The following ARID3B variants were observed in gnomAD, a reference collection of about 807,000 sequenced individuals.
The protein encoded by ARID3B is AT-rich interactive domain-containing protein 3B.
A neutral mutation model predicts 51.9 loss-of-function variants in ARID3B; 10 were observed. The ratio of observed to expected loss-of-function variants is 0.19; its 90% CI spans 0.12 to 0.33. The LOEUF is 0.33. Among genes scored for constraint, ARID3B ranks in the 10% least tolerant of loss-of-function variants. ARID3B has a pLI of 1.00. For missense variants in ARID3B, 483 were observed against 716.3 expected (o/e 0.67, Z 3.72); for synonymous variants, 205 against 279.5 (o/e 0.73, Z 2.66).
intron 2 of ARID3B, among the ~76,000 whole-genome samples, chr15:74,556,082 G>A (rs1315877976): frequency 6.6e-6 from 1 of 152,028 alleles, no homozygotes; most frequent in Non-Finnish European, 1.5e-5. Flanking sequence ...TTGAGCCACC[G>A]AGCCCGGCTA....
chr15:74,564,785 A>G (rs2061691816), intron 2 of ARID3B, among the ~76,000 whole-genome samples: 3 of 151,650 alleles, frequency 2.0e-5, no homozygotes, highest in Admixed American at 6.6e-5. Flanking sequence ...ATTTTTTGGT[A>G]GAGATGGGGT....
chr15:74,560,031 T>TAAAAAAAAAAAA (rs71137394), intron 2 of ARID3B, among the ~76,000 whole-genome samples: 9 of 35,628 alleles, frequency 2.5e-4, no homozygotes, highest in African/African-American at 9.5e-4. Context: ...CTGTCTCTAC[T>TAAAAAAAAAAAA]AAAAAAAAAA....
intron 2 of ARID3B, among the ~76,000 whole-genome samples, chr15:74,552,872 TATG>T (rs1332632029): frequency 1.3e-5 from 2 of 152,248 alleles, no homozygotes; most frequent in African/African-American, 4.8e-5. Flanking sequence ...TTTTGGCAAT[TATG>T]AATAAAGCTA....
At chr15:74,583,971 C>G (rs2061771102) in intron 4 of ARID3B, among the ~76,000 whole-genome samples, 1 of 152,234 alleles carries the variant, frequency 6.6e-6, no homozygotes, top group Non-Finnish European at 1.5e-5. Context: ...CTACCAGACA[C>G]TGCTGCCTGA....
intron 8 of ARID3B, 115 bp from the exon 9 acceptor site, chr15:74,595,496 G>A (rs1567128492): frequency 8.4e-7 from 1 of 1,185,864 alleles, no homozygotes; most frequent in Non-Finnish European, 1.2e-6. Context: ...CCCTAGCACA[G>A]TGTCTACAGC....
At chr15:74,593,308 T>C (rs1596265928) in intron 8 of ARID3B, 72 bp downstream of exon 8, 1 of 1,401,886 alleles carries the variant, frequency 7.1e-7, no homozygotes, top group Non-Finnish European at 9.8e-7. Flanking sequence ...CGGCTGGCCC[T>C]GCCTCTTACC....
In ARID3B at chr15:74,544,019, G is replaced by A; in HGVS notation, c.83G>A (p.Arg28Lys). ...PHLAPLQMDA[R>K]EKQGQQMREA... ...CTGGCTCCTCTGCAGATGGATGCCA[G>A]AGAGAAGCAGGGCCAGCAGATGAGA... The change falls in exon 2 of 9, where the codon AGA becomes AAA. Residue 28 changes from arginine to lysine, a missense_variant. Physicochemically the swap from Arg to Lys is conservative, Grantham distance 26. Coordinates refer to ENST00000346246, the MANE Select transcript of ARID3B (RefSeq NM_006465.4). The A allele has an allele frequency of 1.2e-6, 2 of 1,611,466 alleles. No homozygotes were observed. The highest frequency in any genetic ancestry group is 1.7e-6 in the Non-Finnish European group (2 of 1,178,932).
chr15:74,560,490 G>C (rs980048794), intron 2 of ARID3B, among the ~76,000 whole-genome samples: 16 of 151,986 alleles, frequency 1.1e-4, no homozygotes, highest in African/African-American at 3.9e-4. Flanking sequence ...ACTCTGCTCT[G>C]GCAGTCCTCC....
intron 2 of ARID3B, among the ~76,000 whole-genome samples, chr15:74,566,629 A>C (rs1466534565): frequency 6.6e-6 from 1 of 151,794 alleles, no homozygotes; most frequent in East Asian, 1.9e-4. Flanking sequence ...AGACTAAATA[A>C]ATTTTGTGAA....
At chr15:74,585,029 G>T (rs1252200027) in intron 4 of ARID3B, among the ~76,000 whole-genome samples, 1 of 152,188 alleles carries the variant, frequency 6.6e-6, no homozygotes, top group African/African-American at 2.4e-5. Context: ...TGCAGATAAG[G>T]CCCTGGATTC....
At position 74,572,858 on chromosome 15, in the gene ARID3B, T is replaced by C. The variant is rs371431818; in HGVS notation, c.553-4T>C. On this transcript the variant is annotated splice_region_variant and splice_polypyrimidine_tract_variant and intron_variant, in intron 2 of 8. Transcript: ENST00000346246. ...TCTCAACTTTGTGTTTTGTTCCCTT[T>C]TAGAATGGTGGTTTGGCCTGGAGTG... 181 of 1,613,982 alleles carry C rather than the reference T, an allele frequency of 1.1e-4. No individual in the cohort carries two copies. The highest frequency in any genetic ancestry group is 1.5e-4 in the Non-Finnish European group (172 of 1,179,978).
At chr15:74,587,351 T>C (rs2061785303) in intron 4 of ARID3B, among the ~76,000 whole-genome samples, 1 of 152,176 alleles carries the variant, frequency 6.6e-6, no homozygotes, top group South Asian at 2.1e-4. Flanking sequence ...TGAAGCCTTC[T>C]AACACCCTGA....
chr15:74,567,032 A>G (rs1251434279), intron 2 of ARID3B, among the ~76,000 whole-genome samples: 2 of 152,172 alleles, frequency 1.3e-5, no homozygotes, highest in Non-Finnish European at 2.9e-5. Flanking sequence ...TTTTCAACAA[A>G]AATGGGCCAC....
rs148206516 is a variant in ARID3B, at chr15:74,553,099, C to T, written c.552+8611C>T. Among the ~76,000 whole-genome samples the T allele has an allele frequency of 2.2e-4, 33 of 152,298 alleles. No homozygotes were observed. The East Asian group carries it at 5.8e-3, about 27-fold the overall frequency. Reference sequence around the variant, plus strand: ...CCACATCCTCACCAGCATTTGGTATCGTTAGTGCTTTGGATTTTGGCCATG... The same window carrying T: ...CCACATCCTCACCAGCATTTGGTATTGTTAGTGCTTTGGATTTTGGCCATG... On this transcript the variant is annotated intron_variant, in intron 2 of 8. Transcript: ENST00000346246.
At position 74,595,861 on chromosome 15, in the gene ARID3B, C is replaced by G. The variant is rs1849865425; in HGVS notation, c.*87C>G. The G allele has an allele frequency of 2.9e-6, 4 of 1,392,296 alleles. No individual in the cohort carries two copies. Among genetic ancestry groups the G allele is most frequent in the Non-Finnish European group, 2.9e-6 (3 of 1,034,760 alleles). The allele number at this position is 1,392,296 out of a possible 1,614,324, so 86.2% of individuals were successfully genotyped here. On this transcript the variant is annotated 3_prime_UTR_variant, in exon 9 of 9. Transcript: ENST00000346246. ...AGAATTTACCTCATCTCACAGAGCC[C>G]ACGTCGACGAGCACCATTTGGCCAG...
chr15:74,541,573 G>A (rs775308220), intron 1 of ARID3B, among the ~76,000 whole-genome samples: 1 of 152,236 alleles, frequency 6.6e-6, no homozygotes, highest in Non-Finnish European at 1.5e-5. Flanking sequence ...CCCTGGAGCT[G>A]AGTGGGCGCG....
At chr15:74,554,152 G>A (rs937222341) in intron 2 of ARID3B, among the ~76,000 whole-genome samples, 2 of 150,276 alleles carry the variant, frequency 1.3e-5, no homozygotes, top group African/African-American at 2.5e-5. Flanking sequence ...GACTACAGGC[G>A]CCTGCCACAA....
intron 2 of ARID3B, among the ~76,000 whole-genome samples, chr15:74,561,684 A>C (rs1226016183): frequency 6.6e-6 from 1 of 152,222 alleles, no homozygotes; most frequent in African/African-American, 2.4e-5. Context: ...CCCACTTCAG[A>C]GCACTGTGCT....
intron 2 of ARID3B, among the ~76,000 whole-genome samples, chr15:74,562,040 TAAAAA>T (rs529889069): frequency 8.0e-6 from 1 of 125,492 alleles, no homozygotes; most frequent in African/African-American, 2.9e-5. Flanking sequence ...GACTCTGTCT[TAAAAA>T]AAAAAAAAAA....
Sources: gnomAD v4.1 joint callset for allele counts (sites outside exome capture counted in the v4.1 genomes callset) on GRCh38, gnomAD v4.1.1 for gene constraint, MANE v1.5 for transcripts, NCBI Gene and HGNC (gene_info 2026-07-23, HGNC 2026-07-21) for gene names.